WNK1: variants seen among roughly 807,000 people sequenced by gnomAD.
The protein encoded by WNK1 is serine/threonine-protein kinase WNK1.
Under a neutral mutation model 222.8 loss-of-function variants are expected in WNK1, and 38 were observed. The observed-to-expected ratio is 0.17, with a 90% confidence interval of 0.13 to 0.22. WNK1 has a LOEUF of 0.22. WNK1 is among the 10% of genes least tolerant of loss of function. The pLI is 1.00. For synonymous variants in WNK1, 1,090 were observed against 1,092.9 expected, an observed-to-expected ratio of 1.00 and a Z score of 0.05; for missense variants, 2,348 against 2,918.4, an observed-to-expected ratio of 0.80 and a Z score of 4.50.
rs950433933 is a variant in WNK1 at position 806,906 on chromosome 12, A to G, written c.760-6736A>G. 3.9e-5 allele frequency among the ~76,000 whole-genome samples: 6 copies of G among 152,222 alleles called. No homozygotes were observed. In the East Asian group the frequency reaches 7.7e-4, roughly 19 times the overall value. On this transcript the variant is annotated intron_variant, in intron 1 of 27. Transcript: ENST00000315939. The stretch of plus-strand genomic sequence containing the variant: ...ATGCTCAATATCGTATATTCTCAAT[A>G]TAAAACTCAGTTGCAGGTTGCATTT...
In WNK1 at chr12:775,900, G is replaced by A. The variant is rs1362659770; in HGVS notation, c.759+21576G>A. On this transcript the variant is annotated intron_variant, in intron 1 of 27. Coordinates refer to ENST00000315939, the MANE Select transcript of WNK1 (RefSeq NM_018979.4). ...TTTGCCAAGCTTGTGTTCAACAAAC[G>A]TAGAAGTGGCAGTGGAGCCTAGATC... Among the ~76,000 whole-genome samples the A allele has an allele frequency of 7.9e-5, 12 of 152,292 alleles. No homozygotes were observed. The East Asian group carries it at 1.7e-3, about 22-fold the overall frequency.
Position 889,153 on chromosome 12 carries a change from T to C in WNK1, c.5378T>C (p.Leu1793Pro). ...GTTTTCATTCAGTCCCAGCAACCTCTAGAGGATCTTGATGCTCAATTGAGA... is the reference window on the plus strand; with the variant it reads ...GTTTTCATTCAGTCCCAGCAACCTCCAGAGGATCTTGATGCTCAATTGAGA... ...GPSLTQSQQP[L>P]EDLDAQLRRT... is the part of the protein sequence containing the mutation. Residue 1793 changes from leucine to proline, a missense_variant, in exon 21 of 28, where the codon CTA becomes CCA. Coordinates refer to ENST00000315939, the MANE Select transcript of WNK1 (RefSeq NM_018979.4). 6.2e-7 allele frequency: 1 copy of C among 1,614,098 alleles called. No homozygotes were observed. Among genetic ancestry groups the C allele is most frequent in the Non-Finnish European group, 8.5e-7 (1 of 1,179,962 alleles).
intron 23 of WNK1, 48 bp downstream of exon 23, chr12:894,683 T>A (rs1215573619): frequency 6.5e-7 from 1 of 1,545,050 alleles, no homozygotes; most frequent in Non-Finnish European, 8.9e-7. Context: ...TTGGAGGAGT[T>A]GTCTATATAA....
At chr12:857,288 A>C (rs1307789304) in intron 5 of WNK1, 39 bp downstream of exon 5, 4 of 1,567,998 alleles carry the variant, frequency 2.6e-6, no homozygotes, top group African/African-American at 1.4e-5. Flanking sequence ...ACTTGAACAA[A>C]ACCTAAAAAG....
At chr12:765,901 A>C (rs1457878645) in intron 1 of WNK1, among the ~76,000 whole-genome samples, 1 of 152,218 alleles carries the variant, frequency 6.6e-6, no homozygotes, top group East Asian at 1.9e-4. Context: ...TACTCTATTA[A>C]TAAAGAAAAA....
intron 1 of WNK1, among the ~76,000 whole-genome samples, chr12:777,681 GCTC>G (rs1565414817): frequency 6.6e-6 from 1 of 152,090 alleles, no homozygotes; most frequent in Non-Finnish European, 1.5e-5. Flanking sequence ...TGAAAGCAAA[GCTC>G]CTGGTATTTT....
At position 908,507 on chromosome 12, in the gene WNK1, TGGG is replaced by T; in HGVS notation, c.6865_6867del (p.Gly2289del). 3.1e-6 allele frequency: 5 copies of T among 1,614,212 alleles called. No individual in the cohort carries two copies. Among genetic ancestry groups the T allele is most frequent in the Non-Finnish European group, 4.2e-6 (5 of 1,180,036 alleles). ...GAATGGCAAGGAAGTTCTCTGCACC[TGGG>T]CAACTGTGCATCTCCATGACCTCGA... On this transcript the variant is annotated inframe_deletion, in exon 28 of 28. Transcript: ENST00000315939.
At chr12:844,890 CTTTTT>C (rs11352734) in intron 4 of WNK1, among the ~76,000 whole-genome samples, 2 of 80,430 alleles carry the variant, frequency 2.5e-5, no homozygotes, top group Non-Finnish European at 4.7e-5. Flanking sequence ...TGTACCTTCT[CTTTTT>C]TTTTTTTTTT....
At chr12:839,095 A>C (rs577105066) in intron 4 of WNK1, among the ~76,000 whole-genome samples, 30 of 152,338 alleles carry the variant, frequency 2.0e-4, no homozygotes, top group African/African-American at 7.2e-4. Flanking sequence ...TACTTAATGA[A>C]AGCATGTAAG....
rs749373176 is a variant in WNK1, at chr12:885,274, A to G, written c.4470A>G (p.Thr1490=). The change falls in exon 19 of 28, where the codon ACA becomes ACG. Residue 1490 remains threonine (T), a synonymous_variant. Transcript: ENST00000315939. ...AGSTTVGATL[T]SVSTTTSFPS... is the part of the protein sequence containing the mutation. ...GCACTACTGTGGGAGCCACATTAAC[A>G]TCAGTTTCTACCACCACTTCATTCC... 1.2e-6 allele frequency: 2 copies of G among 1,614,188 alleles called. No individual in the cohort carries two copies. Among genetic ancestry groups the G allele is most frequent in the East Asian group, 2.2e-5 (1 of 44,882 alleles).
chr12:864,335 T>C (rs947698745), intron 8 of WNK1, among the ~76,000 whole-genome samples: 2 of 152,124 alleles, frequency 1.3e-5, no homozygotes, highest in African/African-American at 2.4e-5. Flanking sequence ...GGTCTTGAAC[T>C]CTTGACCTCA....
At chr12:795,399 C>CG (rs1264454731) in intron 1 of WNK1, among the ~76,000 whole-genome samples, 1 of 151,210 alleles carries the variant, frequency 6.6e-6, no homozygotes, top group Non-Finnish European at 1.5e-5. Context: ...GTGTCAGTGG[C>CG]GGGGCCAGCT....
intron 8 of WNK1, chr12:869,221 A>G (rs1592102732): frequency 1.4e-6 from 2 of 1,443,516 alleles, no homozygotes; most frequent in East Asian, 4.5e-5. Context: ...GTTTAATTTT[A>G]TCAGTAGAGT....
chr12:790,456 G>A (rs547829924), intron 1 of WNK1, among the ~76,000 whole-genome samples: 6 of 152,224 alleles, frequency 3.9e-5, no homozygotes, highest in African/African-American at 7.2e-5. Context: ...GATTATTAGG[G>A]AGAAAGACTT....
At chr12:853,908 C>T (rs934459317) in intron 4 of WNK1, among the ~76,000 whole-genome samples, 6 of 152,002 alleles carry the variant, frequency 3.9e-5, no homozygotes, top group Non-Finnish European at 7.4e-5. Flanking sequence ...TGTGCCGCCA[C>T]ACCCCACTAG....
chr12:816,196 G>A (rs1309126093), intron 2 of WNK1, among the ~76,000 whole-genome samples: 1 of 152,234 alleles, frequency 6.6e-6, no homozygotes, highest in African/African-American at 2.4e-5. Context: ...CTGTGGATAA[G>A]AGGGGAGACC....
intron 8 of WNK1, among the ~76,000 whole-genome samples, chr12:863,583 T>C (rs753312981): frequency 1.6e-4 from 25 of 152,222 alleles, no homozygotes; most frequent in Middle Eastern, 3.4e-3. Flanking sequence ...CTCTTGTCTA[T>C]ACTCATCATG....
At chr12:773,646 C>T (rs1282961916) in intron 1 of WNK1, among the ~76,000 whole-genome samples, 1 of 152,114 alleles carries the variant, frequency 6.6e-6, no homozygotes, top group Non-Finnish European at 1.5e-5. Flanking sequence ...TATTTATTCA[C>T]CAAATGTTTA....
chr12:873,227 T>TAACA (rs1222518687), intron 9 of WNK1, among the ~76,000 whole-genome samples: 1 of 152,228 alleles, frequency 6.6e-6, no homozygotes, highest in Admixed American at 6.5e-5. Context: ...ATCTGTCTTG[T>TAACA]ATTTGGGGAT....
Sources: allele counts gnomAD v4.1 joint callset (sites outside exome capture counted in the v4.1 genomes callset), GRCh38; gene constraint gnomAD v4.1.1; transcripts MANE v1.5; gene names NCBI Gene and HGNC (gene_info 2026-07-23, HGNC 2026-07-21).